The following RAB3GAP2 variants were observed in gnomAD, a reference collection of about 807,000 sequenced individuals.
RAB3GAP2 encodes the protein rab3 GTPase-activating protein non-catalytic subunit.
A neutral mutation model predicts 185.3 loss-of-function variants in RAB3GAP2; 87 were observed. The observed-to-expected ratio is 0.47, with a 90% CI of 0.39 to 0.56. The LOEUF (loss-of-function observed/expected upper bound fraction) is 0.56. Ranked by LOEUF, RAB3GAP2 falls within the 20% of genes least tolerant of loss-of-function variation. The pLI, the probability that RAB3GAP2 is intolerant of heterozygous loss-of-function variation, is 0.00. For synonymous variants in RAB3GAP2, 554 were observed against 576.1 expected (o/e 0.96, Z 0.55); for missense variants, 1,492 against 1,638.2 (o/e 0.91, Z 1.54).
intron 1 of RAB3GAP2, chr1:220,267,101 C>G: frequency 6.7e-7 from 1 of 1,503,628 alleles, no homozygotes; most frequent in Non-Finnish European, 9.3e-7. Flanking sequence ...CCAAAATTTG[C>G]AATTTCAAGC....
intron 1 of RAB3GAP2, among the ~76,000 whole-genome samples, chr1:220,258,399 G>T (rs1660073878): frequency 6.6e-6 from 1 of 152,128 alleles, no homozygotes; most frequent in Non-Finnish European, 1.5e-5. Context: ...AATCAAGGTG[G>T]CTTCATCCCC....
chr1:220,248,610 T>A (rs1659867976), intron 1 of RAB3GAP2, among the ~76,000 whole-genome samples: 1 of 144,462 alleles, frequency 6.9e-6, no homozygotes, highest in African/African-American at 2.9e-5. Context: ...ATAAATTTGG[T>A]TTGGTTTTTT....
At chr1:220,258,849 C>T (rs1660083703) in intron 1 of RAB3GAP2, among the ~76,000 whole-genome samples, 1 of 152,144 alleles carries the variant, frequency 6.6e-6, no homozygotes, top group African/African-American at 2.4e-5. Context: ...ATCATCTCAG[C>T]CCAAAGACTT....
chr1:220,171,310 C>G (rs1658173045), intron 23 of RAB3GAP2, among the ~76,000 whole-genome samples, 190 bp from the exon 24 acceptor site: 1 of 152,106 alleles, frequency 6.6e-6, no homozygotes, highest in Admixed American at 6.6e-5. Context: ...GACTCATGGG[C>G]AAGGATGGTG....
chr1:220,178,107 G>C (rs560177737), intron 21 of RAB3GAP2, among the ~76,000 whole-genome samples: 1 of 152,282 alleles, frequency 6.6e-6, no homozygotes, highest in South Asian at 2.1e-4. Context: ...TTTCTCAGCA[G>C]AAACCTTACA....
At chr1:220,235,580 G>C (rs1659575669) in intron 1 of RAB3GAP2, among the ~76,000 whole-genome samples, 1 of 152,118 alleles carries the variant, frequency 6.6e-6, no homozygotes, top group South Asian at 2.1e-4. Flanking sequence ...TTTATGTTCT[G>C]GGAACTGTGC....
chr1:220,186,442 G>A (rs760327389), intron 17 of RAB3GAP2, among the ~76,000 whole-genome samples: 9 of 152,316 alleles, frequency 5.9e-5, no homozygotes, highest in African/African-American at 1.4e-4. Context: ...TAACCTCTGC[G>A]TGTTTGTGGA....
In RAB3GAP2 at chr1:220,214,056, T is replaced by G. The variant is rs922756652; in HGVS notation, c.181-77A>C. 3.6e-6 allele frequency: 5 copies of G among 1,393,338 alleles called. No homozygotes were observed. The Admixed American group carries it at 8.7e-5, about 24-fold the overall frequency. The allele number at this position is 1,393,338 out of a possible 1,614,324, so 86.3% of individuals were successfully genotyped here. A position where few individuals can be genotyped will look rare whatever the true frequency, so the allele number is the denominator to read the frequency against. On this transcript the variant is annotated intron_variant, in intron 2 of 34. Coordinates refer to ENST00000358951, the MANE Select transcript of RAB3GAP2 (RefSeq NM_012414.4). ...AACTCAGCTTGCCTGTCTCAAGGGG[T>G]GAGAGGGAAGAAAAAAAAGAAAAGG...
At chr1:220,255,569 G>C (rs1660019750) in intron 1 of RAB3GAP2, among the ~76,000 whole-genome samples, 1 of 152,174 alleles carries the variant, frequency 6.6e-6, no homozygotes, top group Non-Finnish European at 1.5e-5. Context: ...ACAACAGCCA[G>C]TTTAGAGAGG....
chr1:220,220,974 C>A (rs1052072837), intron 2 of RAB3GAP2, among the ~76,000 whole-genome samples: 1 of 152,116 alleles, frequency 6.6e-6, no homozygotes, highest in African/African-American at 2.4e-5. Flanking sequence ...GGAGAGAGCA[C>A]CCTGGCTTCT....
At chr1:220,213,781 T>A in intron 3 of RAB3GAP2, 75 bp downstream of exon 3, 1 of 1,473,052 alleles carries the variant, frequency 6.8e-7, no homozygotes, top group Non-Finnish European at 9.5e-7. Flanking sequence ...AGCATTATAT[T>A]CTTTTCACCT....
chr1:220,241,268 A>G (rs1236622280), intron 1 of RAB3GAP2, among the ~76,000 whole-genome samples: 1 of 152,112 alleles, frequency 6.6e-6, no homozygotes, highest in African/African-American at 2.4e-5. Context: ...ATTGAATTCT[A>G]GAAGTGGGCA....
At chr1:220,254,112 C>A in intron 1 of RAB3GAP2, 1 of 1,613,872 alleles carries the variant, frequency 6.2e-7, no homozygotes, top group Non-Finnish European at 8.5e-7. Flanking sequence ...AAAAACAGCT[C>A]TTTTATCTTC....
chr1:220,271,706 G>C (rs970646091), intron 1 of RAB3GAP2, among the ~76,000 whole-genome samples: 6 of 152,012 alleles, frequency 3.9e-5, no homozygotes, highest in African/African-American at 1.2e-4. Context: ...GGGAGAGTGT[G>C]GGGGGATGAT....
At chr1:220,162,174 A>G in intron 28 of RAB3GAP2, 24 bp downstream of exon 28, 1 of 1,468,452 alleles carries the variant, frequency 6.8e-7, no homozygotes, top group Non-Finnish European at 9.5e-7. Context: ...ATAAATAAGA[A>G]GTCAATACAT....
At chr1:220,176,635 G>T (rs887945618) in intron 21 of RAB3GAP2, among the ~76,000 whole-genome samples, 30 of 152,158 alleles carry the variant, frequency 2.0e-4, no homozygotes, top group African/African-American at 6.8e-4. Context: ...ACCTTCCTTA[G>T]CTGAGGTCCC....
Position 220,189,711 on chromosome 1 carries a change from T to C in RAB3GAP2, c.1771A>G (p.Lys591Glu). ...GTATTATATACACTTACTTGTTTTT[T>C]GGTTGCAGGGTATTTAATATCAAGA... Reference protein sequence around the residue: ...LILDIKYPATKKQALESILAS... With the variant: ...LILDIKYPATEKQALESILAS... Residue 591 changes from lysine to glutamate, a missense_variant, in exon 17 of 35, where the codon AAA (lysine) becomes GAA (glutamate). By Grantham distance (56) the Lys-to-Glu change is moderately conservative. Coordinates refer to ENST00000358951, the MANE Select transcript of RAB3GAP2 (RefSeq NM_012414.4). The C allele has an allele frequency of 6.4e-7, 1 of 1,563,426 alleles. No homozygotes were observed. The highest frequency in any genetic ancestry group is 8.8e-7 in the Non-Finnish European group (1 of 1,142,344).
At position 220,184,105 on chromosome 1, in the gene RAB3GAP2, C is replaced by T. The variant is rs1392025960; in HGVS notation, c.1929G>A (p.Leu643=). The T allele has an allele frequency of 6.2e-7, 1 of 1,608,380 alleles. No individual in the cohort carries two copies. The highest frequency in any genetic ancestry group is 1.7e-5 in the Admixed American group (1 of 59,966). ...LQFCANKLKL[L]QLYESVSQLN... The stretch of plus-strand genomic sequence containing the variant: ...ATTGACTGACAGACTCATAGAGTTG[C>T]AGCAGTTTTAGTTTATTGGCACAAA... The change falls in exon 19 of 35, where the codon CTG becomes CTA. Residue 643 remains leucine (L), a synonymous_variant. Coordinates refer to ENST00000358951, the MANE Select transcript of RAB3GAP2 (RefSeq NM_012414.4).
At chr1:220,154,148 T>C in intron 31 of RAB3GAP2, 91 bp from the exon 32 acceptor site, 5 of 1,531,396 alleles carry the variant, frequency 3.3e-6, no homozygotes, top group South Asian at 1.2e-5. Context: ...TAATAACTTA[T>C]GGTTGATTTT....
Sources: gnomAD v4.1 joint callset for allele counts (sites outside exome capture counted in the v4.1 genomes callset) on GRCh38, gnomAD v4.1.1 for gene constraint, MANE v1.5 for transcripts, NCBI Gene and HGNC (gene_info 2026-07-23, HGNC 2026-07-21) for gene names.